Variants in LRGUK observed in about 807,000 individuals in gnomAD.
The protein encoded by LRGUK is leucine rich repeats and guanylate kinase domain containing, also known as leucine-rich repeat and guanylate kinase domain-containing protein.
In LRGUK, 65 loss-of-function variants were observed where a neutral mutation model predicts 76.0. The observed-to-expected ratio is 0.85, with a 90% CI of 0.70 to 1.05. The LOEUF is 1.05. Ranked by LOEUF, LRGUK falls within the 50% of genes least tolerant of loss-of-function variation. LRGUK has a pLI of 0.00. For synonymous variants in LRGUK, 268 were observed against 265.6 expected (o/e 1.01, Z -0.09); for missense variants, 758 against 732.8 (o/e 1.03, Z -0.40).
the LRGUK span, among the ~76,000 whole-genome samples, chr7:134,269,857 C>T: frequency 6.6e-6 from 1 of 152,088 alleles, no homozygotes; most frequent in Non-Finnish European, 1.5e-5. Flanking sequence ...GAGGAAAAAT[C>T]AGAATATATA....
At chr7:134,263,686 A>G (rs532252434) in intron 19 of LRGUK, among the ~76,000 whole-genome samples, 159 bp from the exon 20 acceptor site, 1 of 147,442 alleles carries the variant, frequency 6.8e-6, no homozygotes, top group Admixed American at 6.9e-5. Flanking sequence ...AAGTACTGCA[A>G]TTATAGGTGT....
chr7:134,168,862 C>T (rs1012504077), intron 7 of LRGUK, among the ~76,000 whole-genome samples: 2 of 152,032 alleles, frequency 1.3e-5, no homozygotes. Flanking sequence ...ATTCCAACAG[C>T]AGGGTGGGGA....
Position 134,199,825 on chromosome 7 carries a change from A to C in LRGUK, c.1747+404A>C, listed in dbSNP as rs1336475956. On this transcript the variant is annotated intron_variant, in intron 14 of 15. Coordinates refer to ENST00000645682, the Ensembl canonical transcript of LRGUK. ...TCAAAATATTATAACTTAAAAATGT[A>C]TGTGTAAAATAAACATTTTCAGAAA... Among the ~76,000 whole-genome samples, 4 of 151,560 alleles carry C rather than the reference A, an allele frequency of 2.6e-5. No individual in the cohort carries two copies. The East Asian group carries it at 5.8e-4, about 22-fold the overall frequency.
intron 6 of LRGUK, among the ~76,000 whole-genome samples, chr7:134,159,932 C>T (rs1008563938): frequency 6.6e-6 from 1 of 152,188 alleles, no homozygotes; most frequent in Non-Finnish European, 1.5e-5. Flanking sequence ...GTTTTCCGCC[C>T]ATGAAGGCAT....
intron 6 of LRGUK, among the ~76,000 whole-genome samples, chr7:134,161,827 A>T (rs1347867728): frequency 1.3e-5 from 2 of 151,620 alleles, no homozygotes; most frequent in Non-Finnish European, 1.5e-5. Context: ...AGTAGCTGGG[A>T]CTACAGGCAC....
chr7:134,155,068 T>A (rs576752914), intron 5 of LRGUK, among the ~76,000 whole-genome samples: 1 of 152,312 alleles, frequency 6.6e-6, no homozygotes, highest in South Asian at 2.1e-4. Flanking sequence ...GGGGTAGAGC[T>A]ACCAGGACAC....
chr7:134,149,107 TTAAA>T (rs1014232728), intron 5 of LRGUK, among the ~76,000 whole-genome samples: 4 of 127,132 alleles, frequency 3.1e-5, no homozygotes, highest in East Asian at 2.7e-4. Context: ...CTTTCTTTTT[TTAAA>T]AAAAAAAAAA....
chr7:134,241,475 T>C (rs1802150423), intron 16 of LRGUK, among the ~76,000 whole-genome samples: 1 of 152,058 alleles, frequency 6.6e-6, no homozygotes, highest in South Asian at 2.1e-4. Flanking sequence ...TACATAATGG[T>C]AAAAGGATCA....
chr7:134,254,778 C>A (rs1802533524), intron 18 of LRGUK, among the ~76,000 whole-genome samples: 1 of 152,092 alleles, frequency 6.6e-6, no homozygotes, highest in Non-Finnish European at 1.5e-5. Flanking sequence ...TTGGAAATAA[C>A]CTGAATGTCA....
chr7:134,210,552 GC>G (rs1229762374), downstream of LRGUK, among the ~76,000 whole-genome samples: 7 of 152,278 alleles, frequency 4.6e-5, no homozygotes, highest in South Asian at 1.5e-3. Flanking sequence ...GCTCAGGAGG[GC>G]CAGCCCTCAC....
chr7:134,256,268 G>A (rs977968783), intron 18 of LRGUK, among the ~76,000 whole-genome samples: 8 of 151,942 alleles, frequency 5.3e-5, no homozygotes, highest in African/African-American at 9.7e-5. Context: ...GACCAGCCCG[G>A]CCAACATGGA....
intron 16 of LRGUK, among the ~76,000 whole-genome samples, chr7:134,229,870 C>A (rs1440898552): frequency 6.6e-6 from 1 of 152,052 alleles, no homozygotes; most frequent in Non-Finnish European, 1.5e-5. Context: ...TAACCCTGAT[C>A]TCACACCATA....
chr7:134,148,306 A>G, exon 5 of LRGUK: 1 of 1,587,508 alleles, frequency 6.3e-7, no homozygotes, highest in Non-Finnish European at 8.5e-7. Flanking sequence ...CTCTCACTAA[A>G]CTAATTTTGG....
the LRGUK span, among the ~76,000 whole-genome samples, chr7:134,273,731 T>A: frequency 1.3e-5 from 2 of 152,200 alleles, no homozygotes; most frequent in East Asian, 3.8e-4. Flanking sequence ...AAATATGTTA[T>A]TTTACTGATT....
intron 8 of LRGUK, among the ~76,000 whole-genome samples, chr7:134,175,750 A>G (rs1206506700): frequency 2.0e-5 from 3 of 152,164 alleles, no homozygotes; most frequent in Admixed American, 1.3e-4. Flanking sequence ...ATCATCCGCT[A>G]ATATCTAATG....
intron 10 of LRGUK, among the ~76,000 whole-genome samples, chr7:134,183,199 G>T (rs530430349): frequency 1.3e-5 from 2 of 152,302 alleles, no homozygotes; most frequent in East Asian, 3.9e-4. Context: ...TTCTTCATAC[G>T]TTAAAAGGGG....
chr7:134,201,187 G>A (rs1285461559), intron 14 of LRGUK, among the ~76,000 whole-genome samples: 1 of 152,050 alleles, frequency 6.6e-6, no homozygotes, highest in African/African-American at 2.4e-5. Flanking sequence ...TCTCCCTTTT[G>A]ATTAACCCAA....
chr7:134,162,012 T>C (rs1045661001), intron 6 of LRGUK, among the ~76,000 whole-genome samples: 2 of 152,072 alleles, frequency 1.3e-5, no homozygotes, highest in East Asian at 3.8e-4. Context: ...TTGTTATGGG[T>C]ATATGGAGAT....
At chr7:134,140,000 AC>A (rs1797704074) in intron 3 of LRGUK, among the ~76,000 whole-genome samples, 1 of 151,972 alleles carries the variant, frequency 6.6e-6, no homozygotes, top group Non-Finnish European at 1.5e-5. Flanking sequence ...ATGGAGTCTC[AC>A]TCTGTTGCCC....
Sources: gnomAD v4.1 joint callset for allele counts (sites outside exome capture counted in the v4.1 genomes callset) on GRCh38, gnomAD v4.1.1 for gene constraint, MANE v1.5 for transcripts, NCBI Gene and HGNC (gene_info 2026-07-23, HGNC 2026-07-21) for gene names.